SMURF2: variants seen among roughly 807,000 people sequenced by gnomAD.
SMURF2 encodes the protein E3 ubiquitin-protein ligase SMURF2.
In SMURF2, 48 loss-of-function variants were observed where a neutral mutation model predicts 109.6. That is an observed-to-expected ratio of 0.44 (90% CI 0.35 to 0.56). The LOEUF (loss-of-function observed/expected upper bound fraction) is 0.56, where lower values mean the gene tolerates loss of function less well. SMURF2 is among the 20% of genes least tolerant of loss of function. The pLI is 0.01. For missense variants in SMURF2, 575 were observed against 909.0 expected (o/e 0.63, Z 4.72); for synonymous variants, 288 against 317.1 (o/e 0.91, Z 0.97).
intron 6 of SMURF2, among the ~76,000 whole-genome samples, chr17:64,584,018 A>G (rs182483150): frequency 1.3e-5 from 2 of 152,058 alleles, no homozygotes; most frequent in South Asian, 2.1e-4. Flanking sequence ...AATGAAGACT[A>G]TTGGCTGGCA....
intron 4 of SMURF2, 86 bp from the exon 5 acceptor site, chr17:64,591,235 A>G: frequency 1.3e-5 from 13 of 977,170 alleles, no homozygotes; most frequent in Non-Finnish European, 2.0e-5. Flanking sequence ...AAATTTCCAC[A>G]ATCCATTAGA....
chr17:64,614,865 T>C (rs1026193729), intron 1 of SMURF2, among the ~76,000 whole-genome samples: 3 of 152,246 alleles, frequency 2.0e-5, no homozygotes, highest in Non-Finnish European at 4.4e-5. Context: ...TCAAATACCA[T>C]GTCATAAATG....
At chr17:64,614,103 T>C (rs1048529185) in intron 1 of SMURF2, among the ~76,000 whole-genome samples, 1 of 152,126 alleles carries the variant, frequency 6.6e-6, no homozygotes, top group Admixed American at 6.6e-5. Context: ...TGGGAAGTGG[T>C]TGTAAATACA....
chr17:64,624,248 C>T (rs8068773), intron 1 of SMURF2, among the ~76,000 whole-genome samples: 27,946 of 152,048 alleles, frequency 0.18, 4,732 homozygotes, highest in African/African-American at 0.44. Flanking sequence ...TGTAATCCCA[C>T]CACTTTGGGA....
Position 64,545,733 on chromosome 17 carries a change from AG to A in SMURF2, c.*114del, listed in dbSNP as rs59188589. 24,215 of 79,156 alleles carry A rather than the reference AG, an allele frequency of 0.31. 1,772 individuals carry two copies. Among genetic ancestry groups the A allele is most frequent in the South Asian group, 0.34 (903 of 2,618 alleles). The allele number at this position is 79,156 out of a possible 1,614,324, so 4.9% of individuals were successfully genotyped here. A position where few individuals can be genotyped will look rare whatever the true frequency, so the allele number is the denominator to read the frequency against. Reference sequence around the variant, plus strand: ...CTAAAATGTAAAAAAAAAAAAAAAAAGGGGGGGGGGGGGAGTGTTTTCCTGT... The same window carrying A: ...CTAAAATGTAAAAAAAAAAAAAAAAAGGGGGGGGGGGGAGTGTTTTCCTGT... On this transcript the variant is annotated 3_prime_UTR_variant, in exon 19 of 19. Transcript: ENST00000262435.
chr17:64,617,948 G>T (rs1235353834), intron 1 of SMURF2, among the ~76,000 whole-genome samples: 3 of 152,076 alleles, frequency 2.0e-5, no homozygotes, highest in Admixed American at 1.3e-4. Context: ...TAAACACTGA[G>T]TGCAAGTTTA....
chr17:64,586,808 TG>T (rs1264884644), intron 5 of SMURF2, among the ~76,000 whole-genome samples: 3 of 144,538 alleles, frequency 2.1e-5, no homozygotes, highest in Admixed American at 2.1e-4. Flanking sequence ...GGTGTATTCA[TG>T]TACAAAGAAG....
intron 16 of SMURF2, among the ~76,000 whole-genome samples, chr17:64,549,935 G>A (rs529280967): frequency 6.6e-6 from 1 of 152,140 alleles, no homozygotes; most frequent in Non-Finnish European, 1.5e-5. Context: ...ACACCACACT[G>A]AACAGGGAGG....
chr17:64,590,384 C>G (rs1568186356), intron 5 of SMURF2, among the ~76,000 whole-genome samples: 2 of 151,914 alleles, frequency 1.3e-5, no homozygotes, highest in Non-Finnish European at 2.9e-5. Flanking sequence ...TTCAGGTGAT[C>G]CACCCGCCTC....
chr17:64,556,925 T>C (rs1360523287), intron 13 of SMURF2, among the ~76,000 whole-genome samples: 2 of 152,216 alleles, frequency 1.3e-5, no homozygotes, highest in Non-Finnish European at 2.9e-5. Context: ...AGTTGCATTA[T>C]ACTATTTGAT....
chr17:64,602,955 A>G lies in SMURF2; in HGVS notation c.91+3647T>C, dbSNP rs544098873. On this transcript the variant is annotated intron_variant, in intron 2 of 18. Transcript: ENST00000262435. ...AAAAAAAAAATTTTTTTTTGTCTCA[A>G]TTCTCCCCCATCATTTCTGAGACAT... is the stretch of plus-strand genomic sequence containing the variant. Among the ~76,000 whole-genome samples, 15 of 152,146 alleles carry G rather than the reference A, an allele frequency of 9.9e-5. No individual in the cohort carries two copies. In the East Asian group the frequency reaches 1.7e-3, roughly 18 times the overall value.
chr17:64,572,754 C>T (rs868973535), intron 9 of SMURF2: 2 of 152,250 alleles, frequency 1.3e-5, no homozygotes, highest in Non-Finnish European at 2.9e-5. Flanking sequence ...TGCCCTCCCC[C>T]CATACTGTGT....
intron 1 of SMURF2, among the ~76,000 whole-genome samples, chr17:64,632,547 C>A (rs1051785960): frequency 3.3e-5 from 5 of 152,214 alleles, no homozygotes; most frequent in African/African-American, 4.8e-5. Flanking sequence ...ACAAAAACTT[C>A]TCTTAATTCA....
intron 14 of SMURF2, 50 bp downstream of exon 14, chr17:64,555,770 T>C (rs1450502883): frequency 7.7e-7 from 1 of 1,296,236 alleles, no homozygotes; most frequent in Non-Finnish European, 1.0e-6. Flanking sequence ...AACATATTTT[T>C]TTTTAAAGCT....
intron 9 of SMURF2, chr17:64,573,058 G>C (rs1969421174): frequency 6.7e-6 from 1 of 148,996 alleles, no homozygotes; most frequent in South Asian, 2.1e-4. Flanking sequence ...TACTCTGAAA[G>C]TGACCAAGCA....
At chr17:64,587,249 A>G (rs1555687198) in intron 5 of SMURF2, among the ~76,000 whole-genome samples, 1 of 152,192 alleles carries the variant, frequency 6.6e-6, no homozygotes, top group African/African-American at 2.4e-5. Context: ...TATTCCAGCA[A>G]AAGAGCAATT....
chr17:64,605,773 A>ATATATC (rs1268912427), intron 2 of SMURF2, among the ~76,000 whole-genome samples: 23 of 138,546 alleles, frequency 1.7e-4, no homozygotes, highest in Non-Finnish European at 3.1e-4. Flanking sequence ...ATATATATAT[A>ATATATC]TATCTTATTT....
At chr17:64,558,326 G>A (rs782392321) in intron 12 of SMURF2, among the ~76,000 whole-genome samples, 6 of 152,158 alleles carry the variant, frequency 3.9e-5, no homozygotes, top group African/African-American at 1.4e-4. Context: ...TTGAGCCCTG[G>A]AGGTTGAGGC....
intron 1 of SMURF2, among the ~76,000 whole-genome samples, chr17:64,651,856 T>A (rs868987793): frequency 6.6e-6 from 1 of 152,144 alleles, no homozygotes; most frequent in Non-Finnish European, 1.5e-5. Context: ...CAGTTCAAGA[T>A]CGCAGTGAGC....
Sources: gnomAD v4.1 joint callset for allele counts (sites outside exome capture counted in the v4.1 genomes callset) on GRCh38, gnomAD v4.1.1 for gene constraint, MANE v1.5 for transcripts, NCBI Gene and HGNC (gene_info 2026-07-23, HGNC 2026-07-21) for gene names.